The following GALM variants were observed in gnomAD, a reference collection of about 807,000 sequenced individuals.
GALM encodes galactose mutarotase, also known as aldose 1-epimerase.
GALM carries 43 observed loss-of-function variants against 37.4 expected under a neutral mutation model. That is an observed-to-expected ratio of 1.15 (90% CI 0.90 to 1.48). The LOEUF is 1.48. Ranked by LOEUF, GALM falls within the 40% of genes most tolerant of loss-of-function variation. The probability of loss-of-function intolerance (pLI) is 0.00; values close to 1 mark genes in which losing one functional copy is unlikely to be tolerated. For missense variants in GALM, 456 were observed against 419.1 expected (o/e 1.09, Z -0.77); for synonymous variants, 199 against 170.6 (o/e 1.17, Z -1.30).
intron 1 of GALM, among the ~76,000 whole-genome samples, chr2:38,674,423 C>A (rs936836927): frequency 6.6e-6 from 1 of 151,986 alleles, no homozygotes; most frequent in Non-Finnish European, 1.5e-5. Context: ...CTCTTGACCT[C>A]GTGATCCACC....
At chr2:38,689,211 C>T (rs1477044679) in intron 3 of GALM, among the ~76,000 whole-genome samples, 2 of 152,198 alleles carry the variant, frequency 1.3e-5, no homozygotes, top group Non-Finnish European at 2.9e-5. Flanking sequence ...AACTACACCC[C>T]AGGCCTTCTG....
intron 4 of GALM, among the ~76,000 whole-genome samples, chr2:38,717,129 A>G (rs1189120856): frequency 1.3e-5 from 2 of 152,080 alleles, no homozygotes; most frequent in Non-Finnish European, 2.9e-5. Context: ...ACATGCCTGT[A>G]GTCCCAGCTA....
intron 4 of GALM, among the ~76,000 whole-genome samples, chr2:38,728,434 C>T (rs900099105): frequency 7.4e-5 from 11 of 148,918 alleles, no homozygotes; most frequent in East Asian, 2.0e-4. Context: ...CAGTGGCTCA[C>T]GCCTATAATA....
At position 38,705,913 on chromosome 2, in the gene GALM, C is replaced by T. The variant is rs568380766; in HGVS notation, c.634+16019C>T. Among the ~76,000 whole-genome samples the T allele has an allele frequency of 5.9e-5, 9 of 152,220 alleles. No homozygotes were observed. In the South Asian group the frequency reaches 8.3e-4, roughly 14 times the overall value. On this transcript the variant is annotated intron_variant, in intron 4 of 6. Transcript: ENST00000272252. ...AGTGCAGTGGCGCAACCTCCCCCTC[C>T]GGGTTCAGTGGTCCAACTTCCCGCT...
chr2:38,669,613 G>C (rs532323541), intron 1 of GALM: 1 of 152,032 alleles, frequency 6.6e-6, no homozygotes, highest in African/African-American at 2.4e-5. Context: ...TGCCGGGCAC[G>C]GTGGCTCACG....
Position 38,729,761 on chromosome 2 carries a change from G to T in GALM, c.776+64G>T, listed in dbSNP as rs1666562323. On this transcript the variant is annotated intron_variant, in intron 5 of 6. Coordinates refer to ENST00000272252, the MANE Select transcript of GALM (RefSeq NM_138801.3). ...ATGACACCAAGTCCTATTTTCCTTT[G>T]GAGCTTTTCCTCTGGCCATATCAAT... is the stretch of plus-strand genomic sequence containing the variant. 2.1e-6 allele frequency: 3 copies of T among 1,396,596 alleles called. No homozygotes were observed. In the East Asian group the frequency reaches 7.1e-5, roughly 33 times the overall value. 86.5% of individuals were successfully genotyped at this position (1,396,596 alleles called of 1,614,324 possible). A position where few individuals can be genotyped will look rare whatever the true frequency, so the allele number is the denominator to read the frequency against.
At chr2:38,719,004 A>G (rs1666323739) in intron 4 of GALM, among the ~76,000 whole-genome samples, 1 of 151,914 alleles carries the variant, frequency 6.6e-6, no homozygotes, top group Non-Finnish European at 1.5e-5. Flanking sequence ...TTTCTACCCC[A>G]TTTCTTCAGT....
chr2:38,699,624 C>T (rs186324564), intron 4 of GALM, among the ~76,000 whole-genome samples: 30 of 152,010 alleles, frequency 2.0e-4, no homozygotes, highest in Admixed American at 1.8e-3. Context: ...TCAAGACCAG[C>T]CTGGACAACA....
intron 1 of GALM, among the ~76,000 whole-genome samples, chr2:38,666,685 A>T (rs868511390): frequency 2.8e-4 from 42 of 152,274 alleles, no homozygotes; most frequent in South Asian, 1.2e-3. Context: ...ATACCTGGAG[A>T]AGGCTGGAGA....
chr2:38,718,397 CTA>C (rs1297861075), intron 4 of GALM, among the ~76,000 whole-genome samples: 1 of 151,356 alleles, frequency 6.6e-6, no homozygotes, highest in African/African-American at 2.4e-5. Context: ...CGGGGTTTCG[CTA>C]TGTTAGCCAG....
chr2:38,726,675 C>G (rs906070330), intron 4 of GALM, among the ~76,000 whole-genome samples: 1 of 151,902 alleles, frequency 6.6e-6, no homozygotes, highest in East Asian at 1.9e-4. Flanking sequence ...TTTGGGAGGC[C>G]GAGATGGGCA....
At chr2:38,670,842 A>G (rs867673413) in intron 1 of GALM, among the ~76,000 whole-genome samples, 1 of 152,222 alleles carries the variant, frequency 6.6e-6, no homozygotes, top group Non-Finnish European at 1.5e-5. Flanking sequence ...TGAGATTACT[A>G]AAGTGCTTAT....
At chr2:38,670,569 A>G (rs1572507781) in intron 1 of GALM, among the ~76,000 whole-genome samples, 1 of 152,214 alleles carries the variant, frequency 6.6e-6, no homozygotes, top group Admixed American at 6.5e-5. Flanking sequence ...CTCCAGACCT[A>G]TTTTCTCACG....
Position 38,733,629 on chromosome 2 carries a change from A to T in GALM, c.*64A>T, listed in dbSNP as rs920360815. On this transcript the variant is annotated 3_prime_UTR_variant, in exon 7 of 7. Transcript: ENST00000272252. ...AGCCACCTGTCTCCTGTCCAGAAAAAAGGTGAAGATTAAGAAGCTTTCAGA... is the reference window on the plus strand; with the variant it reads ...AGCCACCTGTCTCCTGTCCAGAAAATAGGTGAAGATTAAGAAGCTTTCAGA... 1 of 1,180,678 alleles carries T rather than the reference A, an allele frequency of 8.5e-7. No homozygotes were observed. The highest frequency in any genetic ancestry group is 1.3e-6 in the Non-Finnish European group (1 of 786,950). The allele number at this position is 1,180,678 out of a possible 1,614,324, so 73.1% of individuals were successfully genotyped here.
At chr2:38,704,207 T>A (rs1042634756) in intron 4 of GALM, among the ~76,000 whole-genome samples, 19 of 151,622 alleles carry the variant, frequency 1.3e-4, no homozygotes, top group East Asian at 5.8e-4. Context: ...TTTTATTATT[T>A]TTTTTTTTAG....
intron 1 of GALM, among the ~76,000 whole-genome samples, chr2:38,667,311 G>A (rs1664971430): frequency 6.6e-6 from 1 of 152,120 alleles, no homozygotes. Context: ...CATTCTGTCT[G>A]TTTGGTTCTT....
At chr2:38,709,228 AG>A (rs2148447563) in intron 4 of GALM, among the ~76,000 whole-genome samples, 1 of 152,210 alleles carries the variant, frequency 6.6e-6, no homozygotes, top group African/African-American at 2.4e-5. Flanking sequence ...CCAGGAGGGG[AG>A]CAGGTCTAGC....
intron 5 of GALM, among the ~76,000 whole-genome samples, chr2:38,729,997 G>A (rs1240624484): frequency 1.3e-5 from 2 of 152,118 alleles, no homozygotes; most frequent in Non-Finnish European, 1.5e-5. Flanking sequence ...AAGTCACCTC[G>A]GCTGTCACTG....
chr2:38,707,000 C>A lies in GALM; in HGVS notation c.634+17106C>A, dbSNP rs73930945. 3.8e-3 allele frequency among the ~76,000 whole-genome samples: 569 copies of A among 151,132 alleles called. 6 individuals carry two copies. The highest frequency in any genetic ancestry group is 0.013 in the African/African-American group (545 of 41,086). ...AAACTCAGGAGGCCTGAATTGAATG[C>A]ATAGATGAGGAAGCAGGAAGGCTGT... is the stretch of plus-strand genomic sequence containing the variant. On this transcript the variant is annotated intron_variant, in intron 4 of 6. Transcript: ENST00000272252.
Sources: allele counts gnomAD v4.1 joint callset (sites outside exome capture counted in the v4.1 genomes callset), GRCh38; gene constraint gnomAD v4.1.1; transcripts MANE v1.5; gene names NCBI Gene and HGNC (gene_info 2026-07-23, HGNC 2026-07-21).